Variants in RBFOX1 observed in about 807,000 individuals in gnomAD.
The protein encoded by RBFOX1 is RNA binding protein fox-1 homolog 1.
A neutral mutation model predicts 57.7 loss-of-function variants in RBFOX1; 8 were observed. The observed-to-expected ratio is 0.14, with a 90% CI of 0.08 to 0.25. The LOEUF (loss-of-function observed/expected upper bound fraction) is 0.25, where lower values mean the gene tolerates loss of function less well. Ranked by LOEUF, RBFOX1 falls within the 10% of genes least tolerant of loss-of-function variation. The pLI is 1.00. For synonymous variants in RBFOX1, 326 were observed against 222.4 expected (o/e 1.47, Z -4.15); for missense variants, 611 against 548.5 (o/e 1.11, Z -1.14).
At chr16:5,808,035 C>T (rs143353437) in intron 3 of RBFOX1, among the ~76,000 whole-genome samples, 1 of 152,302 alleles carries the variant, frequency 6.6e-6, no homozygotes, top group Non-Finnish European at 1.5e-5. Context: ...ATGCCTGAAT[C>T]CTAAGAGGGT....
At chr16:5,469,591 C>T (rs974713798) in intron 2 of RBFOX1, among the ~76,000 whole-genome samples, 1 of 152,136 alleles carries the variant, frequency 6.6e-6, no homozygotes, top group Non-Finnish European at 1.5e-5. Context: ...GCGGTGCCAC[C>T]ATACCTTCAT....
At chr16:5,613,712 CA>C (rs1386415480) in intron 3 of RBFOX1, among the ~76,000 whole-genome samples, 3 of 152,104 alleles carry the variant, frequency 2.0e-5, no homozygotes, top group African/African-American at 7.2e-5. Context: ...GGAAAGCTCA[CA>C]AAAGCAGTTG....
At chr16:7,685,276 A>T (rs545447913) in intron 14 of RBFOX1, among the ~76,000 whole-genome samples, 6 of 152,234 alleles carry the variant, frequency 3.9e-5, no homozygotes, top group Admixed American at 3.3e-4. Flanking sequence ...TAAATTATTG[A>T]CTTTTATTAC....
intron 1 of RBFOX1, among the ~76,000 whole-genome samples, chr16:5,376,440 G>T (rs74325223): frequency 1.4e-4 from 21 of 152,218 alleles, no homozygotes; most frequent in Non-Finnish European, 4.4e-5. Flanking sequence ...GGGAAGGAGC[G>T]GTGGGTGGGG....
intron 9 of RBFOX1, among the ~76,000 whole-genome samples, chr16:7,604,389 G>T (rs2095195361): frequency 6.6e-6 from 1 of 152,206 alleles, no homozygotes; most frequent in South Asian, 2.1e-4. Context: ...GCAGCACACA[G>T]ATTCCCAGCT....
At chr16:6,517,128 A>G (rs1373030693) in intron 2 of RBFOX1, among the ~76,000 whole-genome samples, 3 of 152,078 alleles carry the variant, frequency 2.0e-5, no homozygotes, top group Non-Finnish European at 2.9e-5. Flanking sequence ...GCCACTTGTG[A>G]CCAAGACATT....
chr16:6,249,462 T>A (rs1452384281), intron 1 of RBFOX1, among the ~76,000 whole-genome samples: 1 of 151,994 alleles, frequency 6.6e-6, no homozygotes. Context: ...AGGCAGAGAT[T>A]GTAGTGAGCC....
intron 1 of RBFOX1, among the ~76,000 whole-genome samples, chr16:5,342,182 T>C (rs914001341): frequency 1.3e-5 from 2 of 152,206 alleles, no homozygotes; most frequent in African/African-American, 4.8e-5. Flanking sequence ...TCTCACACAG[T>C]TGTTTTACTC....
intron 3 of RBFOX1, among the ~76,000 whole-genome samples, chr16:6,837,845 T>C (rs1017349801): frequency 6.6e-6 from 1 of 152,216 alleles, no homozygotes; most frequent in Non-Finnish European, 1.5e-5. Context: ...TCAGACCACA[T>C]TGAAGACTGG....
At chr16:7,475,624 C>A (rs1488061023) in intron 4 of RBFOX1, among the ~76,000 whole-genome samples, 1 of 151,722 alleles carries the variant, frequency 6.6e-6, no homozygotes, top group East Asian at 1.9e-4. Flanking sequence ...GATGGGCATT[C>A]TTGTAGAGAG....
At chr16:5,278,019 C>A (rs1347741423) in intron 1 of RBFOX1, among the ~76,000 whole-genome samples, 2 of 151,886 alleles carry the variant, frequency 1.3e-5, no homozygotes, top group Admixed American at 6.6e-5. Flanking sequence ...GGATATATAC[C>A]CGGGAGTGGG....
intron 5 of RBFOX1, among the ~76,000 whole-genome samples, chr16:7,527,872 G>A (rs2079052977): frequency 6.6e-6 from 1 of 152,126 alleles, no homozygotes; most frequent in South Asian, 2.1e-4. Context: ...TTATCCAGGA[G>A]AATACATTCA....
intron 1 of RBFOX1, among the ~76,000 whole-genome samples, chr16:6,221,982 A>G (rs1425911013): frequency 2.0e-5 from 3 of 152,188 alleles, no homozygotes; most frequent in Admixed American, 6.5e-5. Flanking sequence ...TCATAAGGGA[A>G]GCAGTGGTCC....
chr16:6,961,749 G>C (rs546483123), intron 3 of RBFOX1, among the ~76,000 whole-genome samples: 1 of 152,116 alleles, frequency 6.6e-6, no homozygotes, highest in East Asian at 1.9e-4. Context: ...ATTGTTTCAC[G>C]GCGTTTTTAA....
At chr16:5,255,354 C>CCCTCCATCCATCCA (rs1555468931) in intron 1 of RBFOX1, among the ~76,000 whole-genome samples, 5 of 86,250 alleles carry the variant, frequency 5.8e-5, no homozygotes, top group African/African-American at 1.8e-4. Flanking sequence ...CCATCCATCC[C>CCCTCCATCCATCCA]TCCATCCATC....
At chr16:6,556,840 A>T (rs1000325154) in intron 2 of RBFOX1, among the ~76,000 whole-genome samples, 4 of 151,950 alleles carry the variant, frequency 2.6e-5, no homozygotes, top group Non-Finnish European at 5.9e-5. Flanking sequence ...CTTCTTTGCT[A>T]CCATGGCAAG....
At chr16:5,372,776 G>C (rs1388384186) in intron 1 of RBFOX1, among the ~76,000 whole-genome samples, 1 of 152,206 alleles carries the variant, frequency 6.6e-6, no homozygotes, top group East Asian at 1.9e-4. Context: ...TAAGGAGATT[G>C]GTAAATGAGA....
At chr16:7,360,334 C>G (rs1231973423) in intron 4 of RBFOX1, among the ~76,000 whole-genome samples, 4 of 152,156 alleles carry the variant, frequency 2.6e-5, no homozygotes, top group Admixed American at 6.5e-5. Flanking sequence ...AACAGTGACT[C>G]TGAGAAGATC....
intron 4 of RBFOX1, among the ~76,000 whole-genome samples, chr16:7,440,260 C>T (rs1439801744): frequency 6.6e-6 from 1 of 152,072 alleles, no homozygotes; most frequent in Non-Finnish European, 1.5e-5. Flanking sequence ...AATTAAACAG[C>T]AGAGAGTTTG....
Sources: allele counts gnomAD v4.1 joint callset (sites outside exome capture counted in the v4.1 genomes callset), GRCh38; gene constraint gnomAD v4.1.1; transcripts MANE v1.5; gene names NCBI Gene and HGNC (gene_info 2026-07-23, HGNC 2026-07-21).